The following PCDHGB6 variants were observed in gnomAD, a reference collection of about 807,000 sequenced individuals.
PCDHGB6 encodes the protein protocadherin gamma subfamily B, 6.
PCDHGB6 carries 51 observed loss-of-function variants against 59.1 expected under a neutral mutation model. The ratio of observed to expected loss-of-function variants is 0.86; its 90% CI spans 0.69 to 1.09. PCDHGB6 has a LOEUF of 1.09. Ranked by LOEUF, PCDHGB6 falls within the 50% of genes least tolerant of loss-of-function variation. The probability of loss-of-function intolerance (pLI) is 0.00; values close to 1 mark genes in which losing one functional copy is unlikely to be tolerated. For missense variants in PCDHGB6, 1,148 were observed against 1,205.1 expected (o/e 0.95, Z 0.70); for synonymous variants, 466 against 495.1 (o/e 0.94, Z 0.78).
At chr5:141,446,039 A>G (rs1349676116) in intron 1 of PCDHGB6, among the ~76,000 whole-genome samples, 1 of 152,180 alleles carries the variant, frequency 6.6e-6, no homozygotes, top group African/African-American at 2.4e-5. Context: ...TAAGAAATGG[A>G]AGAAGAGCTG....
chr5:141,481,182 G>T (rs2099533183), intron 1 of PCDHGB6, among the ~76,000 whole-genome samples: 1 of 152,180 alleles, frequency 6.6e-6, no homozygotes, highest in Non-Finnish European at 1.5e-5. Flanking sequence ...AGCTTTATTG[G>T]GCCAGGCCCA....
At chr5:141,443,844 G>T (rs976057583) in intron 1 of PCDHGB6, among the ~76,000 whole-genome samples, 1 of 152,130 alleles carries the variant, frequency 6.6e-6, no homozygotes, top group African/African-American at 2.4e-5. Flanking sequence ...GGGTAATATG[G>T]AAAGTCTGAA....
chr5:141,497,596 G>C (rs920597006), intron 2 of PCDHGB6, among the ~76,000 whole-genome samples: 1 of 149,648 alleles, frequency 6.7e-6, no homozygotes, highest in Admixed American at 6.7e-5. Context: ...CTGGAGTGCA[G>C]TGGTGCGATC....
At chr5:141,466,763 C>T (rs960940073) in intron 1 of PCDHGB6, among the ~76,000 whole-genome samples, 31 of 152,272 alleles carry the variant, frequency 2.0e-4, no homozygotes, top group Middle Eastern at 6.8e-3. Context: ...TCTTTTCAAA[C>T]TGTTATCTTA....
At position 141,477,505 on chromosome 5, in the gene PCDHGB6, C is replaced by T. The variant is rs2099412175; in HGVS notation, c.2419-17302C>T. The T allele has an allele frequency of 5.0e-6, 8 of 1,614,126 alleles. No individual in the cohort carries two copies. Among genetic ancestry groups the T allele is most frequent in the Admixed American group, 1.7e-5 (1 of 60,024 alleles). On this transcript the variant is annotated intron_variant, in intron 1 of 3. Transcript: ENST00000520790. This position sits in a 1 kb window ranked among gnomAD's most constrained non-coding sequence, Gnocchi z 4.9. ...CACAATCTTCTCAATCTTCCTACGACGTTTACATTGAAGAAAACAACCTCC... is the reference window on the plus strand; with the variant it reads ...CACAATCTTCTCAATCTTCCTACGATGTTTACATTGAAGAAAACAACCTCC...
chr5:141,409,751 C>G lies in PCDHGB6; in HGVS notation c.1549C>G (p.Gln517Glu), dbSNP rs774810318. The G allele has an allele frequency of 1.5e-5, 25 of 1,613,000 alleles. No homozygotes were observed. In the Admixed American group the frequency reaches 4.0e-4, roughly 26 times the overall value. ...VSAQSGVVFA[Q>E]RAFDHEQLRA... The stretch of plus-strand genomic sequence containing the variant: ...CGCGCAGAGCGGGGTGGTGTTCGCG[C>G]AGCGCGCCTTTGATCACGAGCAGCT... The change falls in exon 1 of 4, where the codon CAG becomes GAG. Residue 517 changes from glutamine to glutamate, a missense_variant. Coordinates refer to ENST00000520790, the MANE Select transcript of PCDHGB6 (RefSeq NM_018926.3).
In PCDHGB6 at chr5:141,487,414, T is replaced by C; in HGVS notation, c.2419-7393T>C. On this transcript the variant is annotated intron_variant, in intron 1 of 3. Coordinates refer to ENST00000520790, the MANE Select transcript of PCDHGB6 (RefSeq NM_018926.3). This position sits in a 1 kb window ranked among gnomAD's most constrained non-coding sequence, Gnocchi z 5.0. The stretch of plus-strand genomic sequence containing the variant: ...GGAGGGAGGGGCTTCCCCCTTCCAA[T>C]GGGATCCTCCGAATCCAGCTAGGGT... 3.7e-6 allele frequency: 6 copies of C among 1,614,174 alleles called. No individual in the cohort carries two copies. The highest frequency in any genetic ancestry group is 5.1e-6 in the Non-Finnish European group (6 of 1,180,006).
At position 141,410,343 on chromosome 5, in the gene PCDHGB6, G is replaced by A. The variant is rs890241182; in HGVS notation, c.2141G>A (p.Arg714His). Reference protein sequence around the residue: ...LLAVILAIALRLRRSLSPATW... With the variant: ...LLAVILAIALHLRRSLSPATW... ...GCCGTGATTCTGGCCATTGCCTTGC[G>A]CCTGCGACGCTCTCTCAGCCCTGCT... Residue 714 changes from arginine to histidine, a missense_variant, in exon 1 of 4, where the codon CGC becomes CAC. Coordinates refer to ENST00000520790, the MANE Select transcript of PCDHGB6 (RefSeq NM_018926.3). 1 of 1,613,964 alleles carries A rather than the reference G, an allele frequency of 6.2e-7. No homozygotes were observed. The highest frequency in any genetic ancestry group is 8.5e-7 in the Non-Finnish European group (1 of 1,179,896).
intron 3 of PCDHGB6, among the ~76,000 whole-genome samples, chr5:141,510,329 A>G (rs1433056614): frequency 6.7e-6 from 1 of 150,230 alleles, no homozygotes; most frequent in South Asian, 2.1e-4. Context: ...AGCACTCTTC[A>G]CCCCCACCCC....
intron 1 of PCDHGB6, among the ~76,000 whole-genome samples, chr5:141,425,997 A>T (rs1365887915): frequency 6.6e-6 from 1 of 152,174 alleles, no homozygotes; most frequent in African/African-American, 2.4e-5. Context: ...GAATTAGCAA[A>T]GGCTTCCGGC....
intron 1 of PCDHGB6, chr5:141,478,636 T>G: frequency 1.3e-6 from 2 of 1,552,744 alleles, no homozygotes; most frequent in South Asian, 2.4e-5. Flanking sequence ...TTTTTAGTGA[T>G]GAAGATGTTT....
At position 141,409,866 on chromosome 5, in the gene PCDHGB6, G is replaced by T; in HGVS notation, c.1664G>T (p.Arg555Leu). 6.2e-7 allele frequency: 1 copy of T among 1,612,376 alleles called. No individual in the cohort carries two copies. Among genetic ancestry groups the T allele is most frequent in the Non-Finnish European group, 8.5e-7 (1 of 1,179,386 alleles). ...NVSLRVLVGD[R>L]NDNAPRVLYP... ...AGCCTGCGCGTGTTGGTGGGAGACC[G>T]CAATGACAACGCACCGCGGGTGCTG... Residue 555 changes from arginine (R) to leucine (L), a missense_variant, in exon 1 of 4, where the codon CGC (arginine) becomes CTC (leucine). By Grantham distance (102) the Arg-to-Leu change is moderately radical (BLOSUM62 -2). This residue lies in a region of PCDHGB6 where 549 missense variants were observed against 527.5 expected (regional missense o/e 1.04). Coordinates refer to ENST00000520790, the MANE Select transcript of PCDHGB6 (RefSeq NM_018926.3).
rs562811168 is a variant in PCDHGB6, at chr5:141,409,573, C to T, written c.1371C>T (p.Tyr457=). The change falls in exon 1 of 4, where the codon TAC becomes TAT. Residue 457 remains tyrosine, a synonymous_variant. Coordinates refer to ENST00000520790, the MANE Select transcript of PCDHGB6 (RefSeq NM_018926.3). ...DNAPVFDQTS[Y]VVHVAENNPP... is the part of the protein sequence containing the mutation. ...CCCCAGTTTTCGACCAGACGTCCTACGTGGTCCACGTGGCCGAGAACAACC... is the reference window on the plus strand; with the variant it reads ...CCCCAGTTTTCGACCAGACGTCCTATGTGGTCCACGTGGCCGAGAACAACC... The T allele has an allele frequency of 2.5e-6, 4 of 1,613,934 alleles. No homozygotes were observed. Among genetic ancestry groups the T allele is most frequent in the African/African-American group, 2.7e-5 (2 of 75,060 alleles).
rs766164142 is a variant in PCDHGB6, at chr5:141,477,910, G to T, written c.2419-16897G>T. ...TGTCACGGGTGGTAGGCTGGGACGC[G>T]GATGCAGGGCACAATGCCTGGCTCT... On this transcript the variant is annotated intron_variant, in intron 1 of 3. Transcript: ENST00000520790. This position sits in a 1 kb window ranked among gnomAD's most constrained non-coding sequence, Gnocchi z 4.9. The T allele has an allele frequency of 6.2e-7, 1 of 1,614,048 alleles. No individual in the cohort carries two copies. Among genetic ancestry groups the T allele is most frequent in the African/African-American group, 1.3e-5 (1 of 74,932 alleles).
chr5:141,462,183 C>A (rs1439465872), intron 1 of PCDHGB6, among the ~76,000 whole-genome samples: 1 of 152,158 alleles, frequency 6.6e-6, no homozygotes. Flanking sequence ...TGGTCTTGAA[C>A]TCCTGACCTC....
chr5:141,413,180 C>CCGCTCAAAGGAAT (rs760676891), intron 1 of PCDHGB6: 75 of 1,602,494 alleles, frequency 4.7e-5, no homozygotes, highest in Non-Finnish European at 6.1e-5. Flanking sequence ...ACTACAATGG[C>CCGCTCAAAGGAAT]CGCTCAAAGG....
At chr5:141,452,240 C>G (rs1365703172) in intron 1 of PCDHGB6, among the ~76,000 whole-genome samples, 1 of 152,084 alleles carries the variant, frequency 6.6e-6, no homozygotes, top group Non-Finnish European at 1.5e-5. Flanking sequence ...TTCTTGTGTC[C>G]TTTTGCCATA....
At chr5:141,417,993 C>T (rs753867006) in intron 1 of PCDHGB6, 11 of 1,613,830 alleles carry the variant, frequency 6.8e-6, no homozygotes, top group Non-Finnish European at 7.6e-6. Flanking sequence ...GCCAAGGGCT[C>T]GGTGGTGGGG....
chr5:141,485,344 C>G lies in PCDHGB6; in HGVS notation c.2419-9463C>G. On this transcript the variant is annotated intron_variant, in intron 1 of 3. Coordinates refer to ENST00000520790, the MANE Select transcript of PCDHGB6 (RefSeq NM_018926.3). This position sits in a 1 kb window ranked among gnomAD's most constrained non-coding sequence, Gnocchi z 5.7. ...CTCAAGATTTCCTGCTGGATACGGA[C>G]AGTCTGTCAGCTCGCAGGCTGCAGG... 6.2e-7 allele frequency: 1 copy of G among 1,614,116 alleles called. No individual in the cohort carries two copies. The highest frequency in any genetic ancestry group is 8.5e-7 in the Non-Finnish European group (1 of 1,180,004).
Sources: gnomAD v4.1 joint callset for allele counts (sites outside exome capture counted in the v4.1 genomes callset) on GRCh38, gnomAD v4.1.1 for gene constraint, gnomAD v4.1.1 regional missense constraint, Gnocchi (gnomAD v3.1) non-coding constraint, MANE v1.5 for transcripts, NCBI Gene and HGNC (gene_info 2026-07-23, HGNC 2026-07-21) for gene names.